The following HPD variants were observed in gnomAD, a reference collection of about 807,000 sequenced individuals.
HPD encodes the protein 4-hydroxyphenylpyruvate dioxygenase, also known as 4-hydroxyphenylpyruvic acid oxidase.
HPD carries 35 observed loss-of-function variants against 56.9 expected under a neutral mutation model. That is an observed-to-expected ratio of 0.62 (90% CI 0.47 to 0.82). HPD has a LOEUF of 0.82. HPD is among the 40% of genes least tolerant of loss of function. The pLI is 0.00. For missense variants in HPD, 442 were observed against 506.8 expected (o/e 0.87, Z 1.23); for synonymous variants, 186 against 200.2 (o/e 0.93, Z 0.60).
At chr12:121,886,805 G>A in the HPD span, among the ~76,000 whole-genome samples, 5 of 152,122 alleles carry the variant, frequency 3.3e-5, no homozygotes, top group African/African-American at 1.2e-4. Context: ...GGCCCAATAA[G>A]TCTTGTAAAG....
At chr12:121,880,036 A>G in the HPD span, among the ~76,000 whole-genome samples, 30 of 151,402 alleles carry the variant, frequency 2.0e-4, no homozygotes, top group Non-Finnish European at 3.7e-4. Context: ...GGTCCCAGCT[A>G]TTGGGGAGGC....
the HPD span, among the ~76,000 whole-genome samples, chr12:121,876,867 G>C: frequency 6.6e-6 from 1 of 152,006 alleles, no homozygotes; most frequent in Non-Finnish European, 1.5e-5. Context: ...GCTGAAGTGG[G>C]AGGATCACTT....
upstream of HPD, among the ~76,000 whole-genome samples, chr12:121,860,375 A>G (rs1039163834): frequency 2.6e-5 from 4 of 152,188 alleles, no homozygotes; most frequent in South Asian, 2.1e-4. Flanking sequence ...ACAAAGGCCA[A>G]TGTTTACTAA....
intron 11 of HPD, among the ~76,000 whole-genome samples, chr12:121,845,998 A>G (rs945892510): frequency 5.3e-5 from 8 of 152,084 alleles, no homozygotes; most frequent in Non-Finnish European, 1.0e-4. Flanking sequence ...ATCCTTGGCT[A>G]AATGGATCCT....
At chr12:121,881,935 C>T in the HPD span, among the ~76,000 whole-genome samples, 5 of 148,096 alleles carry the variant, frequency 3.4e-5, no homozygotes, top group Admixed American at 7.0e-5. Context: ...CGTGAGCCAC[C>T]GCGCCCAACC....
the HPD span, among the ~76,000 whole-genome samples, chr12:121,887,512 A>G: frequency 6.6e-6 from 1 of 152,100 alleles, no homozygotes; most frequent in African/African-American, 2.4e-5. Flanking sequence ...CTGGGATTAC[A>G]GGTGTGTGCC....
chr12:121,846,219 C>G (rs1256192422), intron 11 of HPD, among the ~76,000 whole-genome samples: 1 of 151,750 alleles, frequency 6.6e-6, no homozygotes, highest in Non-Finnish European at 1.5e-5. Flanking sequence ...TTATTAATTA[C>G]TATTATTTTT....
At chr12:121,879,062 A>G in the HPD span, among the ~76,000 whole-genome samples, 1 of 152,008 alleles carries the variant, frequency 6.6e-6, no homozygotes, top group African/African-American at 2.4e-5. Flanking sequence ...AGGCGGGTGT[A>G]TCGCCTGAGG....
chr12:121,853,671 C>T (rs1366989786), intron 7 of HPD, among the ~76,000 whole-genome samples: 3 of 149,122 alleles, frequency 2.0e-5, no homozygotes, highest in East Asian at 2.0e-4. Flanking sequence ...CAGCCTGGCA[C>T]GGTGGCTCAC....
the HPD span, among the ~76,000 whole-genome samples, chr12:121,877,752 A>G: frequency 6.6e-6 from 1 of 151,854 alleles, no homozygotes; most frequent in African/African-American, 2.4e-5. Flanking sequence ...ATAATAATAA[A>G]CAGAAGAGCT....
intron 11 of HPD, among the ~76,000 whole-genome samples, chr12:121,844,754 G>A (rs1263237408): frequency 6.6e-6 from 1 of 151,908 alleles, no homozygotes; most frequent in Non-Finnish European, 1.5e-5. Context: ...GGTGGTGGGA[G>A]CGTGTAGTCC....
chr12:121,860,007 C>T (rs989606838), upstream of HPD, among the ~76,000 whole-genome samples: 1 of 152,104 alleles, frequency 6.6e-6, no homozygotes, highest in Non-Finnish European at 1.5e-5. Context: ...AAAATACAAA[C>T]ATTAGCTGGG....
chr12:121,866,623 C>A (rs772814830), upstream of HPD, among the ~76,000 whole-genome samples: 1 of 151,968 alleles, frequency 6.6e-6, no homozygotes, highest in Non-Finnish European at 1.5e-5. Context: ...GGGTTTATTT[C>A]ATACTTCTCT....
At chr12:121,857,730 A>T in intron 3 of HPD, 27 bp downstream of exon 3, 1 of 1,603,294 alleles carries the variant, frequency 6.2e-7, no homozygotes, top group Non-Finnish European at 8.5e-7. Context: ...CCGTCTGCTC[A>T]CTCCAGCACC....
At chr12:121,859,127 G>A, upstream of HPD, 1 of 471,880 alleles carries the variant, frequency 2.1e-6, no homozygotes, top group South Asian at 2.2e-5. Context: ...GACCATTACT[G>A]CCCAGAATCC....
chr12:121,878,030 G>T, the HPD span, among the ~76,000 whole-genome samples: 1 of 152,178 alleles, frequency 6.6e-6, no homozygotes, highest in Non-Finnish European at 1.5e-5. Flanking sequence ...GGGGAGGGAG[G>T]AAGGGAAAGT....
chr12:121,840,819 A>G (rs1314365158), intron 12 of HPD, among the ~76,000 whole-genome samples: 2 of 151,552 alleles, frequency 1.3e-5, no homozygotes, highest in Non-Finnish European at 2.9e-5. Context: ...TCACTTTGGG[A>G]GGCCGAGGCA....
chr12:121,843,326 G>A (rs887979393), intron 12 of HPD, among the ~76,000 whole-genome samples: 2 of 152,128 alleles, frequency 1.3e-5, no homozygotes, highest in African/African-American at 4.8e-5. Context: ...TTCCTCAGAC[G>A]CTCAGGGCAT....
the HPD span, among the ~76,000 whole-genome samples, chr12:121,883,416 CA>C: frequency 1.3e-5 from 2 of 151,716 alleles, no homozygotes; most frequent in East Asian, 3.9e-4. Context: ...AAAGACTGCC[CA>C]ATCAGGAGGA....
Sources: allele counts gnomAD v4.1 joint callset (sites outside exome capture counted in the v4.1 genomes callset), GRCh38; gene constraint gnomAD v4.1.1; transcripts MANE v1.5; gene names NCBI Gene and HGNC (gene_info 2026-07-23, HGNC 2026-07-21).